RAP1GAP2: variants seen among roughly 807,000 people sequenced by gnomAD.
RAP1GAP2 encodes RAP1 GTPase activating protein 2.
RAP1GAP2 carries 27 observed loss-of-function variants against 95.0 expected under a neutral mutation model. The ratio of observed to expected loss-of-function variants is 0.28; its 90% CI spans 0.21 to 0.39. RAP1GAP2 has a LOEUF of 0.39. Ranked by LOEUF, RAP1GAP2 falls within the 10% of genes least tolerant of loss-of-function variation. The pLI is 1.00. For missense variants in RAP1GAP2, 771 were observed against 970.0 expected (o/e 0.79, Z 2.72); for synonymous variants, 373 against 380.9 (o/e 0.98, Z 0.24).
At chr17:2,970,820 A>C (rs2044836455) in intron 8 of RAP1GAP2, among the ~76,000 whole-genome samples, 1 of 152,028 alleles carries the variant, frequency 6.6e-6, no homozygotes, top group Admixed American at 6.6e-5. Context: ...CGGGAGGATC[A>C]CTTGAGCCCA....
chr17:2,917,886 A>G (rs2042620750), intron 3 of RAP1GAP2, among the ~76,000 whole-genome samples: 1 of 143,396 alleles, frequency 7.0e-6, no homozygotes, highest in Admixed American at 6.9e-5. Flanking sequence ...CAGCTAATTT[A>G]TGTATTTTTA....
At chr17:2,874,686 A>G (rs369897655) in intron 2 of RAP1GAP2, among the ~76,000 whole-genome samples, 20 of 152,282 alleles carry the variant, frequency 1.3e-4, no homozygotes, top group African/African-American at 4.1e-4. Context: ...TACATCACCC[A>G]TGGAAACAAA....
At chr17:2,794,723 A>G (rs178570), upstream of RAP1GAP2, among the ~76,000 whole-genome samples, 144,474 of 152,156 alleles carry the variant, frequency 0.95, 69,042 homozygotes, top group Non-Finnish European at 1. Context: ...AAATCCTTGT[A>G]CCCTTCGTCC....
chr17:3,031,092 AG>A, intron 23 of RAP1GAP2, 94 bp downstream of exon 23: 2 of 1,339,590 alleles, frequency 1.5e-6, no homozygotes, highest in South Asian at 1.3e-5. Flanking sequence ...GACATCCCAG[AG>A]GGGGCTCCCC....
At chr17:2,891,809 C>CTTTTGTTTTTTTTTTTTTTTTTT (rs1488865061) in intron 2 of RAP1GAP2, among the ~76,000 whole-genome samples, 1 of 58,030 alleles carries the variant, frequency 1.7e-5, no homozygotes, top group Non-Finnish European at 4.0e-5. Flanking sequence ...ATTCATATTT[C>CTTTTGTTTTTTTTTTTTTTTTTT]TTTTCTTTTT....
At chr17:2,792,093 C>G (rs1441442666), upstream of RAP1GAP2, among the ~76,000 whole-genome samples, 1 of 110,364 alleles carries the variant, frequency 9.1e-6, no homozygotes, top group East Asian at 4.4e-4. Flanking sequence ...CTCCTGACCT[C>G]AGGTGATCCG....
intron 8 of RAP1GAP2, among the ~76,000 whole-genome samples, chr17:2,970,677 A>G (rs1352064320): frequency 6.6e-6 from 1 of 152,192 alleles, no homozygotes; most frequent in African/African-American, 2.4e-5. Context: ...AACTGCCTCT[A>G]TTTATTTGCT....
chr17:3,028,422 C>A (rs2047194145), intron 22 of RAP1GAP2, among the ~76,000 whole-genome samples: 1 of 152,038 alleles, frequency 6.6e-6, no homozygotes, highest in Admixed American at 6.6e-5. Context: ...AGGACAGCCC[C>A]CTAGCCACAT....
At position 2,963,339 on chromosome 17, in the gene RAP1GAP2, A is replaced by T; in HGVS notation, c.247-91A>T. The T allele has an allele frequency of 9.2e-7, 1 of 1,090,446 alleles. No homozygotes were observed. The highest frequency in any genetic ancestry group is 1.4e-6 in the Non-Finnish European group (1 of 729,136). 67.5% of individuals were successfully genotyped at this position (1,090,446 alleles called of 1,614,324 possible). On this transcript the variant is annotated intron_variant, in intron 5 of 24. Coordinates refer to ENST00000254695, the MANE Select transcript of RAP1GAP2 (RefSeq NM_015085.5). This position sits in a 1 kb window ranked among gnomAD's most constrained non-coding sequence, Gnocchi z 4.8. The stretch of plus-strand genomic sequence containing the variant: ...TGTTCCTCCCTCAAAGCCCCCCCAC[A>T]ACATATCCCCCTTGCAAGACCTGGA...
chr17:2,775,937 G>T (rs1186691101), upstream of RAP1GAP2, among the ~76,000 whole-genome samples: 1 of 152,210 alleles, frequency 6.6e-6, no homozygotes, highest in Non-Finnish European at 1.5e-5. Flanking sequence ...TCAGCACTTT[G>T]GGAGGCCGAG....
At chr17:2,783,125 A>G (rs1477878140) in intron 1 of RAP1GAP2, among the ~76,000 whole-genome samples, 5 of 152,140 alleles carry the variant, frequency 3.3e-5, no homozygotes, top group Admixed American at 2.6e-4. Context: ...CTAGTAAGTG[A>G]TGGAGCCGGG....
chr17:3,001,040 G>A (rs1555595849), intron 14 of RAP1GAP2, among the ~76,000 whole-genome samples: 1 of 15,456 alleles, frequency 6.5e-5, no homozygotes, highest in Non-Finnish European at 1.0e-4. Flanking sequence ...AGGGACAGAA[G>A]AAGCAGGGAG....
In RAP1GAP2 at chr17:3,004,915, T is replaced by A. The variant is rs1351421759; in HGVS notation, c.1201-454T>A. ...AACCCCAGAGACGGGTCGGGAGAGG[T>A]CTGGATGCTCTGTTCCTCTGCGGCT... On this transcript the variant is annotated intron_variant, in intron 14 of 24. Transcript: ENST00000254695. The surrounding 1 kb of genome is among the most constrained non-coding windows in gnomAD (Gnocchi z 4.1). Among the ~76,000 whole-genome samples, 1 of 151,644 alleles carries A rather than the reference T, an allele frequency of 6.6e-6. No individual in the cohort carries two copies. Among genetic ancestry groups the A allele is most frequent in the African/African-American group, 2.4e-5 (1 of 41,268 alleles).
rs1429265412 is a variant in RAP1GAP2 at position 2,867,056 on chromosome 17, A to C, written c.81-38228A>C. On this transcript the variant is annotated intron_variant, in intron 2 of 24. Coordinates refer to ENST00000254695, the MANE Select transcript of RAP1GAP2 (RefSeq NM_015085.5). The surrounding 1 kb of genome is among the most constrained non-coding windows in gnomAD (Gnocchi z 4.5). ...GCTGGGATTACAGGTGCCCACTGTC[A>C]TGTCTAGCTAATTTTTGTATTTGTA... Among the ~76,000 whole-genome samples, 1 of 151,502 alleles carries C rather than the reference A, an allele frequency of 6.6e-6. No individual in the cohort carries two copies.
chr17:2,922,272 G>A (rs112176446), intron 3 of RAP1GAP2, among the ~76,000 whole-genome samples: 8 of 152,292 alleles, frequency 5.3e-5, no homozygotes, highest in South Asian at 2.1e-4. Context: ...CGTTAATCCC[G>A]TTCCCGAGGG....
At chr17:2,789,128 G>T (rs567099018) in intron 1 of RAP1GAP2, among the ~76,000 whole-genome samples, 1 of 152,126 alleles carries the variant, frequency 6.6e-6, no homozygotes, top group South Asian at 2.1e-4. Flanking sequence ...CCCAATCATG[G>T]CTCTGCTTCC....
intron 2 of RAP1GAP2, among the ~76,000 whole-genome samples, chr17:2,854,261 G>A (rs1206388336): frequency 6.6e-6 from 1 of 152,172 alleles, no homozygotes; most frequent in African/African-American, 2.4e-5. Context: ...GCTTCGCCCC[G>A]GACCCTGGCT....
chr17:2,940,685 C>T (rs1283859002), intron 3 of RAP1GAP2, among the ~76,000 whole-genome samples: 1 of 152,206 alleles, frequency 6.6e-6, no homozygotes, highest in Non-Finnish European at 1.5e-5. Context: ...TCTGCAGACG[C>T]CCCTTCCAGC....
intron 1 of RAP1GAP2, among the ~76,000 whole-genome samples, chr17:2,765,251 G>C (rs1005380863): frequency 6.6e-6 from 1 of 152,184 alleles, no homozygotes; most frequent in Admixed American, 6.6e-5. Flanking sequence ...TGATGTTGCT[G>C]CCTGTCTTCT....
Sources: gnomAD v4.1 joint callset for allele counts (sites outside exome capture counted in the v4.1 genomes callset) on GRCh38, gnomAD v4.1.1 for gene constraint, Gnocchi (gnomAD v3.1) non-coding constraint, MANE v1.5 for transcripts, NCBI Gene and HGNC (gene_info 2026-07-23, HGNC 2026-07-21) for gene names.